Variants in CSMD1 observed in about 807,000 individuals in gnomAD.
CSMD1 encodes the protein CUB and sushi domain-containing protein 1.
CSMD1 carries 213 observed loss-of-function variants against 417.5 expected under a neutral mutation model. The ratio of observed to expected loss-of-function variants is 0.51; its 90% CI spans 0.46 to 0.57. CSMD1 has a LOEUF of 0.57. Ranked by LOEUF, CSMD1 falls within the 20% of genes least tolerant of loss-of-function variation. The probability of loss-of-function intolerance (pLI) is 0.00; values close to 1 mark genes in which losing one functional copy is unlikely to be tolerated. For synonymous variants in CSMD1, 2,862 were observed against 1,736.8 expected (o/e 1.65, Z -16.11); for missense variants, 6,923 against 4,529.7 (o/e 1.53, Z -15.17).
At chr8:3,773,369 G>T (rs79791371) in intron 5 of CSMD1, among the ~76,000 whole-genome samples, 1 of 152,162 alleles carries the variant, frequency 6.6e-6, no homozygotes, top group South Asian at 2.1e-4. Flanking sequence ...CTGTAGCCTC[G>T]ACTACAGTGA....
At chr8:3,590,096 A>G (rs1164155038) in intron 8 of CSMD1, among the ~76,000 whole-genome samples, 1 of 152,158 alleles carries the variant, frequency 6.6e-6, no homozygotes, top group Admixed American at 6.5e-5. Flanking sequence ...AGCAATAAAG[A>G]AAAATAAAAA....
intron 1 of CSMD1, among the ~76,000 whole-genome samples, chr8:4,648,344 C>T (rs1803669221): frequency 6.6e-6 from 1 of 152,124 alleles, no homozygotes. Flanking sequence ...GATATAATGA[C>T]ATGATCCACA....
At chr8:3,855,486 T>A (rs1040405719) in intron 5 of CSMD1, among the ~76,000 whole-genome samples, 2 of 152,164 alleles carry the variant, frequency 1.3e-5, no homozygotes, top group Non-Finnish European at 2.9e-5. Flanking sequence ...GTTATGAAGA[T>A]ATAAGCTCAT....
intron 2 of CSMD1, among the ~76,000 whole-genome samples, chr8:4,630,418 G>C (rs1371833403): frequency 5.3e-5 from 8 of 151,792 alleles, no homozygotes; most frequent in African/African-American, 1.7e-4. Flanking sequence ...GAATTAATTG[G>C]TCTTCTCCTT....
At chr8:4,159,474 T>C (rs1797023454) in intron 3 of CSMD1, among the ~76,000 whole-genome samples, 1 of 152,174 alleles carries the variant, frequency 6.6e-6, no homozygotes, top group African/African-American at 2.4e-5. Flanking sequence ...TAAAAATGTA[T>C]CCATCAATCA....
Position 3,018,462 on chromosome 8 carries a change from C to T in CSMD1, c.8029+15G>A, listed in dbSNP as rs1809053755. The stretch of plus-strand genomic sequence containing the variant: ...TATCTGCATTAAGTAAGTGCCAGAA[C>T]ACAGATGAATTTACCCAGACATCGA... On this transcript the variant is annotated intron_variant, in intron 52 of 69. Transcript: ENST00000635120. 2.5e-6 allele frequency: 4 copies of T among 1,611,276 alleles called. No individual in the cohort carries two copies. The highest frequency in any genetic ancestry group is 1.7e-5 in the Admixed American group (1 of 59,866).
chr8:4,649,528 C>T (rs1803749760), intron 1 of CSMD1, among the ~76,000 whole-genome samples: 1 of 152,194 alleles, frequency 6.6e-6, no homozygotes, highest in South Asian at 2.1e-4. Flanking sequence ...CCCCTGTGCT[C>T]ATCCTATCCT....
chr8:4,988,467 T>C (rs903940320), intron 1 of CSMD1, among the ~76,000 whole-genome samples: 1 of 151,950 alleles, frequency 6.6e-6, no homozygotes, highest in African/African-American at 2.4e-5. Flanking sequence ...TGCATGATCT[T>C]TTTTCTTTTC....
Position 3,272,568 on chromosome 8 carries a change from G to C in CSMD1, c.4153+11576C>G, listed in dbSNP as rs1281129031. On this transcript the variant is annotated intron_variant, in intron 26 of 69. Coordinates refer to ENST00000635120, the MANE Select transcript of CSMD1 (RefSeq NM_033225.6). ...TTGATTCTTCCTACCCATGAGCATG[G>C]AATGTTCTTCCATTTGTTTGTATCT... is the stretch of plus-strand genomic sequence containing the variant. 4.2e-4 allele frequency among the ~76,000 whole-genome samples: 58 copies of C among 137,158 alleles called. 4 individuals are homozygous for C. Among genetic ancestry groups the C allele is most frequent in the African/African-American group, 1.5e-3 (55 of 35,586 alleles). The allele number at this position is 137,158 out of a possible 152,430, so 90.0% of individuals were successfully genotyped here.
chr8:4,693,320 G>C (rs115839669), intron 1 of CSMD1, among the ~76,000 whole-genome samples: 2,573 of 152,320 alleles, frequency 0.017, 67 homozygotes, highest in African/African-American at 0.059. Context: ...TCATAACTTT[G>C]TATAATGTGA....
intron 3 of CSMD1, among the ~76,000 whole-genome samples, chr8:4,188,872 G>A (rs1031092029): frequency 3.9e-5 from 6 of 151,972 alleles, no homozygotes; most frequent in African/African-American, 1.4e-4. Flanking sequence ...TTTGTTATTG[G>A]GTCTATGGAT....
At chr8:2,985,777 G>C (rs755128922) in intron 54 of CSMD1, among the ~76,000 whole-genome samples, 4 of 152,134 alleles carry the variant, frequency 2.6e-5, no homozygotes, top group Non-Finnish European at 5.9e-5. Flanking sequence ...AACAATAGCT[G>C]CCCGGAGCAA....
chr8:3,263,141 C>T (rs1276674253), intron 26 of CSMD1, among the ~76,000 whole-genome samples: 1 of 152,090 alleles, frequency 6.6e-6, no homozygotes, highest in Non-Finnish European at 1.5e-5. Flanking sequence ...CTTTGTTGTC[C>T]AGGCTGGAGT....
intron 26 of CSMD1, among the ~76,000 whole-genome samples, chr8:3,281,296 T>C (rs1802716479): frequency 4.0e-5 from 6 of 151,310 alleles, no homozygotes; most frequent in Admixed American, 3.9e-4. Flanking sequence ...TACAAAAAAA[T>C]AGCCAGGTGT....
At chr8:4,788,335 A>C in intron 1 of CSMD1, 1 of 1,546,150 alleles carries the variant, frequency 6.5e-7, no homozygotes, top group Non-Finnish European at 8.8e-7. Flanking sequence ...ATGTCTGGGA[A>C]CACTGCATAT....
intron 7 of CSMD1, among the ~76,000 whole-genome samples, chr8:3,676,911 C>G (rs13269777): frequency 6.6e-6 from 1 of 151,700 alleles, no homozygotes; most frequent in Non-Finnish European, 1.5e-5. Flanking sequence ...GAACAGAAAA[C>G]CAAACACCAC....
chr8:4,736,480 A>G (rs1293968056), intron 1 of CSMD1, among the ~76,000 whole-genome samples: 1 of 152,120 alleles, frequency 6.6e-6, no homozygotes, highest in African/African-American at 2.4e-5. Context: ...TACAAGAAAA[A>G]CTAAAGAAGT....
rs372786942 is a variant in CSMD1 at position 3,130,386 on chromosome 8, C to A, written c.6242-11799G>T. On this transcript the variant is annotated intron_variant, in intron 41 of 69. Transcript: ENST00000635120. ...GTGTGTTGGAGCTGAAAGCCTCCCG[C>A]CCCCAATTCCTGGAAGCCTCTTCAC... 1.7e-3 allele frequency among the ~76,000 whole-genome samples: 256 copies of A among 152,150 alleles called. 10 individuals are homozygous for A. The South Asian group carries it at 0.03, about 18-fold the overall frequency.
chr8:2,944,940 A>G (rs180760582), intron 68 of CSMD1, among the ~76,000 whole-genome samples: 109 of 152,352 alleles, frequency 7.2e-4, no homozygotes, highest in African/African-American at 2.3e-3. Context: ...ACGTGTCACA[A>G]GACACCTCAC....
Sources: gnomAD v4.1 joint callset for allele counts (sites outside exome capture counted in the v4.1 genomes callset) on GRCh38, gnomAD v4.1.1 for gene constraint, MANE v1.5 for transcripts, NCBI Gene and HGNC (gene_info 2026-07-23, HGNC 2026-07-21) for gene names.